FBXO22: variants seen among roughly 807,000 people sequenced by gnomAD.
FBXO22 encodes the protein F-box only protein 22.
In FBXO22, 13 loss-of-function variants were observed where a neutral mutation model predicts 37.2. That is an observed-to-expected ratio of 0.35 (90% CI 0.23 to 0.56). The LOEUF is 0.56. Among genes scored for constraint, FBXO22 ranks in the 20% least tolerant of loss-of-function variants. The probability of loss-of-function intolerance (pLI) is 0.87; values close to 1 mark genes in which losing one functional copy is unlikely to be tolerated. For synonymous variants in FBXO22, 189 were observed against 189.1 expected (o/e 1.00, Z 0.00); for missense variants, 446 against 509.9 (o/e 0.87, Z 1.21).
chr15:75,938,550 T>C lies in FBXO22; in HGVS notation c.*5448T>C, dbSNP rs1205083712. 6.6e-6 allele frequency: 1 copy of C among 151,806 alleles called. No homozygotes were observed. The highest frequency in any genetic ancestry group is 1.5e-5 in the Non-Finnish European group (1 of 67,946). 9.4% of individuals were successfully genotyped at this position (151,806 alleles called of 1,614,324 possible). A position where few individuals can be genotyped will look rare whatever the true frequency, so the allele number is the denominator to read the frequency against. On this transcript the variant is annotated 3_prime_UTR_variant, in exon 7 of 7. Transcript: ENST00000308275. ...CAAAGAATTAAAGAAATCAGGAAAA[T>C]GATAAATGAACAAAATCAGAATATC...
chr15:75,935,172 A>C lies in FBXO22; in HGVS notation c.*2070A>C, dbSNP rs1312875763. ...CCCTGAAGTCCTGTGAGGAAGGGAA[A>C]TAGTAATTTAACCAAAGTTAAATCT... is the stretch of plus-strand genomic sequence containing the variant. On this transcript the variant is annotated 3_prime_UTR_variant, in exon 7 of 7. Transcript: ENST00000308275. 6.6e-6 allele frequency: 1 copy of C among 152,226 alleles called. No homozygotes were observed. The highest frequency in any genetic ancestry group is 1.5e-5 in the Non-Finnish European group (1 of 68,028). The allele number at this position is 152,226 out of a possible 1,614,324, so 9.4% of individuals were successfully genotyped here. A position where few individuals can be genotyped will look rare whatever the true frequency, so the allele number is the denominator to read the frequency against.
chr15:75,919,413 T>C (rs1202407171), intron 5 of FBXO22, among the ~76,000 whole-genome samples: 2 of 152,208 alleles, frequency 1.3e-5, no homozygotes, highest in Non-Finnish European at 2.9e-5. Context: ...TGTTATACAT[T>C]GATAAATACA....
intron 5 of FBXO22, among the ~76,000 whole-genome samples, chr15:75,921,873 C>T (rs1423832118): frequency 2.0e-5 from 3 of 152,074 alleles, no homozygotes; most frequent in Admixed American, 2.0e-4. Flanking sequence ...CTCCACATCT[C>T]GTCCCACTGC....
rs890878353 is a variant in FBXO22, at chr15:75,903,930, C to G, written c.-34C>G. 1.4e-6 allele frequency: 2 copies of G among 1,480,358 alleles called. No homozygotes were observed. The highest frequency in any genetic ancestry group is 1.4e-5 in the African/African-American group (1 of 71,472). The allele number at this position is 1,480,358 out of a possible 1,614,324, so 91.7% of individuals were successfully genotyped here. On this transcript the variant is annotated 5_prime_UTR_variant, in exon 1 of 7. Coordinates refer to ENST00000308275, the MANE Select transcript of FBXO22 (RefSeq NM_147188.3). ...CTGGCGTAATCGGGTTCCTCCGAGC[C>G]GCCGTAGGACTGGTTCCGGCGGGCT... is the stretch of plus-strand genomic sequence containing the variant.
chr15:75,908,391 G>A lies in FBXO22; in HGVS notation c.279+3762G>A, dbSNP rs570501669. ...TAGTTCAAGTGATTGTCCTGCCTCA[G>A]CCTCCTGAGTAGTTGGGACTACAGG... On this transcript the variant is annotated intron_variant, in intron 2 of 6. Transcript: ENST00000308275. Among the ~76,000 whole-genome samples, 90 of 151,942 alleles carry A rather than the reference G, an allele frequency of 5.9e-4. 3 individuals are homozygous for A. The East Asian group carries it at 0.016, about 26-fold the overall frequency.
At chr15:75,930,732 C>T in intron 6 of FBXO22, 1 of 985,296 alleles carries the variant, frequency 1.0e-6, no homozygotes. Context: ...ATTAGGTGGA[C>T]ATAAATATCA....
intron 5 of FBXO22, among the ~76,000 whole-genome samples, chr15:75,929,302 T>C (rs113083073): frequency 1.9e-5 from 2 of 103,920 alleles, no homozygotes; most frequent in African/African-American, 7.0e-5. Flanking sequence ...CGAGACCCCA[T>C]CTCTACCAAA....
In FBXO22 at chr15:75,904,115, A is replaced by T; in HGVS notation, c.140+12A>T. 6.5e-7 allele frequency: 1 copy of T among 1,531,166 alleles called. No homozygotes were observed. Among genetic ancestry groups the T allele is most frequent in the Non-Finnish European group, 8.8e-7 (1 of 1,135,308 alleles). The allele number at this position is 1,531,166 out of a possible 1,614,324, so 94.8% of individuals were successfully genotyped here. A position where few individuals can be genotyped will look rare whatever the true frequency, so the allele number is the denominator to read the frequency against. On this transcript the variant is annotated intron_variant, in intron 1 of 6. Transcript: ENST00000308275. ...CTGCGGGTGGCCTGGTGAGGAGAGG[A>T]GGCGGAGGCGGGAAGCTTGCCTGGG...
intron 2 of FBXO22, among the ~76,000 whole-genome samples, chr15:75,912,973 CTCATT>C (rs1380436171): frequency 6.6e-6 from 1 of 152,184 alleles, no homozygotes; most frequent in African/African-American, 2.4e-5. Flanking sequence ...TGTCCTTGTT[CTCATT>C]GGTTTCAAAG....
In FBXO22 at chr15:75,934,578, T is replaced by C. The variant is rs1441138832; in HGVS notation, c.*1476T>C. 6.6e-6 allele frequency: 1 copy of C among 152,190 alleles called. No individual in the cohort carries two copies. The highest frequency in any genetic ancestry group is 1.9e-4 in the East Asian group (1 of 5,204). 9.4% of individuals were successfully genotyped at this position (152,190 alleles called of 1,614,324 possible). ...GAAAATATTTTTCTCTTGCTATTTA[T>C]ATATATATGATAAAAATGCTTGGAA... On this transcript the variant is annotated 3_prime_UTR_variant, in exon 7 of 7. Transcript: ENST00000308275.
chr15:75,922,748 A>G (rs1000557232), intron 5 of FBXO22, among the ~76,000 whole-genome samples: 1 of 152,210 alleles, frequency 6.6e-6, no homozygotes, highest in Non-Finnish European at 1.5e-5. Flanking sequence ...GCGGGAGACC[A>G]CTTTAGAGTC....
chr15:75,924,837 T>G (rs963728516), intron 5 of FBXO22, among the ~76,000 whole-genome samples: 1 of 152,190 alleles, frequency 6.6e-6, no homozygotes, highest in Non-Finnish European at 1.5e-5. Flanking sequence ...GTTAGTTATA[T>G]AGCAAACAGT....
rs142812746 is a variant in FBXO22 at position 75,941,960 on chromosome 15, A to AAAAAAACC, written c.*8859_*8860insAAAAACCA. 2.1e-5 allele frequency: 2 copies of AAAAAAACC among 93,766 alleles called. No homozygotes were observed. The highest frequency in any genetic ancestry group is 7.8e-5 in the African/African-American group (2 of 25,782). The allele number at this position is 93,766 out of a possible 1,614,324, so 5.8% of individuals were successfully genotyped here. On this transcript the variant is annotated 3_prime_UTR_variant, in exon 7 of 7. Coordinates refer to ENST00000308275, the MANE Select transcript of FBXO22 (RefSeq NM_147188.3). Reference sequence around the variant, plus strand: ...ACCACCAAAAAAAAAAAAAAAAAAAAATATGGCCTAGCTTTTTTTTTTTTT... The same window carrying AAAAAAACC: ...ACCACCAAAAAAAAAAAAAAAAAAAAAAAAAACCATATGGCCTAGCTTTTTTTTTTTTT...
At chr15:75,917,795 T>G (rs335698) in intron 5 of FBXO22, among the ~76,000 whole-genome samples, 148,977 of 152,254 alleles carry the variant, frequency 0.98, 72,965 homozygotes, top group East Asian at 1. Flanking sequence ...GTTTTTAGAA[T>G]ACGCGGGTTA....
Position 75,935,376 on chromosome 15 carries a change from A to G in FBXO22, c.*2274A>G, listed in dbSNP as rs1237692892. The G allele has an allele frequency of 6.6e-6, 1 of 152,208 alleles. No individual in the cohort carries two copies. Among genetic ancestry groups the G allele is most frequent in the Admixed American group, 6.5e-5 (1 of 15,280 alleles). 9.4% of individuals were successfully genotyped at this position (152,208 alleles called of 1,614,324 possible). A position where few individuals can be genotyped will look rare whatever the true frequency, so the allele number is the denominator to read the frequency against. On this transcript the variant is annotated 3_prime_UTR_variant, in exon 7 of 7. Transcript: ENST00000308275. ...AGAAGTAAAGGTGTACCATTAGCCT[A>G]CATACTGAGCTGACGATCAGATCAT...
intron 5 of FBXO22, among the ~76,000 whole-genome samples, chr15:75,923,105 C>T (rs1029470985): frequency 6.6e-6 from 1 of 152,126 alleles, no homozygotes; most frequent in Non-Finnish European, 1.5e-5. Context: ...CCTCTGTCCA[C>T]CTGAGCATCC....
chr15:75,917,511 C>T, intron 5 of FBXO22, 117 bp downstream of exon 5: 2 of 688,824 alleles, frequency 2.9e-6, no homozygotes, highest in South Asian at 2.1e-5. Context: ...ATTAAGTACA[C>T]CTGTCACTGG....
At chr15:75,929,338 C>G (rs1235404933) in intron 5 of FBXO22, among the ~76,000 whole-genome samples, 1 of 151,926 alleles carries the variant, frequency 6.6e-6, no homozygotes, top group African/African-American at 2.4e-5. Context: ...TTTAAAGATC[C>G]TTTTTCCAAA....
intron 4 of FBXO22, among the ~76,000 whole-genome samples, chr15:75,914,946 C>T (rs149234743): frequency 1.3e-5 from 2 of 152,238 alleles, no homozygotes; most frequent in East Asian, 3.9e-4. Context: ...ATACACAAAG[C>T]AGTAAGTAAA....
Sources: allele counts gnomAD v4.1 joint callset (sites outside exome capture counted in the v4.1 genomes callset), GRCh38; gene constraint gnomAD v4.1.1; transcripts MANE v1.5; gene names NCBI Gene and HGNC (gene_info 2026-07-23, HGNC 2026-07-21).